Variants in NF2 observed in about 807,000 individuals in gnomAD.
The protein encoded by NF2 is merlin.
NF2 carries 8 observed loss-of-function variants against 83.7 expected under a neutral mutation model. The ratio of observed to expected loss-of-function variants is 0.10; its 90% CI spans 0.06 to 0.17. The LOEUF is 0.17. Among genes scored for constraint, NF2 ranks in the 10% least tolerant of loss-of-function variants. NF2 has a pLI of 1.00. For synonymous variants in NF2, 266 were observed against 269.6 expected, an observed-to-expected ratio of 0.99 and a Z score of 0.13; for missense variants, 533 against 744.4, an observed-to-expected ratio of 0.72 and a Z score of 3.31.
intron 1 of NF2, among the ~76,000 whole-genome samples, chr22:29,605,409 G>A (rs955748267): frequency 2.0e-5 from 3 of 151,982 alleles, no homozygotes; most frequent in East Asian, 1.9e-4. Context: ...GTGACCAGCC[G>A]ACCTGGGCCT....
chr22:29,673,763 G>A (rs2066880603), intron 12 of NF2, among the ~76,000 whole-genome samples: 1 of 152,234 alleles, frequency 6.6e-6, no homozygotes, highest in Admixed American at 6.5e-5. Context: ...ATGGCCGTGT[G>A]TGCAGGAAAA....
intron 15 of NF2, chr22:29,683,432 A>G (rs1396415547): frequency 7.9e-7 from 1 of 1,259,336 alleles, no homozygotes; most frequent in South Asian, 1.9e-5. Context: ...AATGGGGTCA[A>G]TCTGGGCACT....
chr22:29,684,743 T>C (rs907557609), intron 15 of NF2, among the ~76,000 whole-genome samples: 1 of 152,196 alleles, frequency 6.6e-6, no homozygotes, highest in Non-Finnish European at 1.5e-5. Context: ...AGGGACTTGA[T>C]GTTTAATGGG....
intron 1 of NF2, among the ~76,000 whole-genome samples, chr22:29,621,922 T>A (rs965893857): frequency 3.9e-5 from 6 of 152,178 alleles, no homozygotes; most frequent in African/African-American, 1.4e-4. Flanking sequence ...AAGGGTTTCC[T>A]CTTCTTTGTG....
At chr22:29,677,618 C>G (rs949758590) in intron 13 of NF2, among the ~76,000 whole-genome samples, 5 of 152,168 alleles carry the variant, frequency 3.3e-5, no homozygotes, top group Non-Finnish European at 5.9e-5. Context: ...ATCTCCCACC[C>G]CACCTCTCCA....
At chr22:29,648,347 C>T (rs779792997) in intron 4 of NF2, among the ~76,000 whole-genome samples, 7 of 152,094 alleles carry the variant, frequency 4.6e-5, no homozygotes, top group Non-Finnish European at 7.4e-5. Context: ...AAAGATGTTT[C>T]ATCTCACAGG....
intron 1 of NF2, among the ~76,000 whole-genome samples, chr22:29,624,383 T>C (rs1317142139): frequency 6.6e-6 from 1 of 152,058 alleles, no homozygotes; most frequent in Non-Finnish European, 1.5e-5. Context: ...AATTTTTGTA[T>C]TTTTAGTAGA....
At chr22:29,687,577 A>C (rs943705818) in intron 15 of NF2, among the ~76,000 whole-genome samples, 2 of 152,242 alleles carry the variant, frequency 1.3e-5, no homozygotes, top group Non-Finnish European at 2.9e-5. Context: ...GCCAGCCCTG[A>C]AGATGGCTCC....
Position 29,637,550 on chromosome 22 carries a change from G to A in NF2, c.240+674G>A, listed in dbSNP as rs1442055012. 2.6e-5 allele frequency among the ~76,000 whole-genome samples: 4 copies of A among 152,196 alleles called. No individual in the cohort carries two copies. The East Asian group carries it at 7.7e-4, about 29-fold the overall frequency. ...CTGCCTACCTAGCCATGAAAGGCAG[G>A]CGGGGAGCAGGACCATATGCTTTTG... is the stretch of plus-strand genomic sequence containing the variant. On this transcript the variant is annotated intron_variant, in intron 2 of 15. Transcript: ENST00000338641.
intron 3 of NF2, among the ~76,000 whole-genome samples, chr22:29,640,768 CGTGTGT>C (rs10555211): frequency 4.0e-5 from 6 of 149,872 alleles, no homozygotes; most frequent in Non-Finnish European, 5.9e-5. Flanking sequence ...GTCTGGGGGG[CGTGTGT>C]GTGTGTGTGT....
At chr22:29,616,048 T>C (rs1455488007) in intron 1 of NF2, among the ~76,000 whole-genome samples, 2 of 152,128 alleles carry the variant, frequency 1.3e-5, no homozygotes, top group Non-Finnish European at 2.9e-5. Flanking sequence ...GAAAACACTA[T>C]GCTATGTGAA....
intron 9 of NF2, among the ~76,000 whole-genome samples, chr22:29,666,735 G>A (rs2066634610): frequency 6.6e-6 from 1 of 152,172 alleles, no homozygotes; most frequent in African/African-American, 2.4e-5. Context: ...CCAGCACTTT[G>A]GGAGGCTGAG....
chr22:29,661,453 C>A, intron 8 of NF2, 114 bp downstream of exon 8: 1 of 1,475,182 alleles, frequency 6.8e-7, no homozygotes, highest in Non-Finnish European at 9.4e-7. Flanking sequence ...CCTTTAATTC[C>A]CAGGCTTTGA....
Position 29,670,951 on chromosome 22 carries a change from T to C in NF2, c.1000-875T>C, listed in dbSNP as rs2066765287. On this transcript the variant is annotated intron_variant, in intron 10 of 15. Transcript: ENST00000338641. Reference sequence around the variant, plus strand: ...TGCAGCTCCCCCCTGTGAAATACAATGTGTGAACTATTGATGCATCACGTA... The same window carrying C: ...TGCAGCTCCCCCCTGTGAAATACAACGTGTGAACTATTGATGCATCACGTA... 4.6e-5 allele frequency among the ~76,000 whole-genome samples: 7 copies of C among 152,232 alleles called. 1 individual carries two copies. The South Asian group carries it at 1.5e-3, about 32-fold the overall frequency.
At chr22:29,659,352 C>CT (rs1206942990) in intron 7 of NF2, among the ~76,000 whole-genome samples, 1 of 152,122 alleles carries the variant, frequency 6.6e-6, no homozygotes, top group East Asian at 1.9e-4. Context: ...TTTTAAAAAT[C>CT]TTTTTTGTTT....
rs746868503 is a variant in NF2 at position 29,604,132 on chromosome 22, G to A, written c.114+20G>A. The A allele has an allele frequency of 1.9e-6, 3 of 1,564,258 alleles. No homozygotes were observed. Among genetic ancestry groups the A allele is most frequent in the Non-Finnish European group, 2.6e-6 (3 of 1,146,934 alleles). On this transcript the variant is annotated intron_variant, in intron 1 of 15. Transcript: ENST00000338641. ...TGCGAGGTAACCGGCCGGCAGCCCC[G>A]ACTGCTGCGGTGACAGTCGAGGTGG...
At chr22:29,679,224 T>TCTG (rs147237918) in intron 14 of NF2, among the ~76,000 whole-genome samples, 5,028 of 152,288 alleles carry the variant, frequency 0.033, 118 homozygotes, top group Non-Finnish European at 0.047. Flanking sequence ...CCCATCTGAC[T>TCTG]CTGCAGCCCA....
intron 2 of NF2, among the ~76,000 whole-genome samples, chr22:29,638,870 T>TATTG (rs1483369443): frequency 6.6e-6 from 1 of 152,238 alleles, no homozygotes. Flanking sequence ...TTCTTGGGGC[T>TATTG]ATTGATTAAT....
Position 29,665,081 on chromosome 22 carries a change from G to A in NF2, c.885+17G>A. 1 of 1,588,258 alleles carries A rather than the reference G, an allele frequency of 6.3e-7. No individual in the cohort carries two copies. The highest frequency in any genetic ancestry group is 1.3e-5 in the African/African-American group (1 of 74,482). On this transcript the variant is annotated intron_variant, in intron 9 of 15. Transcript: ENST00000338641. Reference sequence around the variant, plus strand: ...AATAAGCTGGTAAGTTGAGATCCTGGTTTTCATTACTGATAATGGTAGCTT... The same window carrying A: ...AATAAGCTGGTAAGTTGAGATCCTGATTTTCATTACTGATAATGGTAGCTT...
Sources: gnomAD v4.1 joint callset for allele counts (sites outside exome capture counted in the v4.1 genomes callset) on GRCh38, gnomAD v4.1.1 for gene constraint, MANE v1.5 for transcripts, NCBI Gene and HGNC (gene_info 2026-07-23, HGNC 2026-07-21) for gene names.